SHISA6: variants seen among roughly 807,000 people sequenced by gnomAD.
The protein encoded by SHISA6 is protein shisa-6.
SHISA6 carries 22 observed loss-of-function variants against 47.9 expected under a neutral mutation model. The ratio of observed to expected loss-of-function variants is 0.46; its 90% CI spans 0.33 to 0.66. The LOEUF (loss-of-function observed/expected upper bound fraction) is 0.66, where lower values mean the gene tolerates loss of function less well. SHISA6 is among the 30% of genes least tolerant of loss of function. The pLI, the probability that SHISA6 is intolerant of heterozygous loss-of-function variation, is 0.02. For synonymous variants in SHISA6, 388 were observed against 337.8 expected, an observed-to-expected ratio of 1.15 and a Z score of -1.63; for missense variants, 680 against 764.6, an observed-to-expected ratio of 0.89 and a Z score of 1.30.
chr17:11,479,260 C>T (rs1042053894), intron 3 of SHISA6, among the ~76,000 whole-genome samples: 2 of 151,908 alleles, frequency 1.3e-5, no homozygotes, highest in Admixed American at 1.3e-4. Flanking sequence ...AATTTGAGTA[C>T]CTTATAATAC....
intron 3 of SHISA6, among the ~76,000 whole-genome samples, chr17:11,393,552 A>G (rs1567593594): frequency 6.6e-6 from 1 of 152,144 alleles, no homozygotes. Context: ...TTCCAGTGTA[A>G]TCTTTCTAAA....
chr17:11,556,030 G>C, intron 5 of SHISA6, 138 bp downstream of exon 5: 1 of 1,150,866 alleles, frequency 8.7e-7, no homozygotes, highest in Non-Finnish European at 1.2e-6. Flanking sequence ...GATGAGAGAA[G>C]AGAATAGACA....
intron 2 of SHISA6, among the ~76,000 whole-genome samples, chr17:11,294,559 A>T (rs1909675152): frequency 6.6e-6 from 1 of 152,166 alleles, no homozygotes; most frequent in Non-Finnish European, 1.5e-5. Context: ...AGTCTTGCAA[A>T]GTTTGTTCCC....
intron 3 of SHISA6, among the ~76,000 whole-genome samples, chr17:11,550,210 C>T (rs2071919050): frequency 6.6e-6 from 1 of 152,032 alleles, no homozygotes; most frequent in Non-Finnish European, 1.5e-5. Context: ...ACATGCCACC[C>T]CATGTCTGTA....
At chr17:11,334,548 A>G (rs1421969897) in intron 2 of SHISA6, among the ~76,000 whole-genome samples, 1 of 152,174 alleles carries the variant, frequency 6.6e-6, no homozygotes, top group Non-Finnish European at 1.5e-5. Context: ...AGAGCGCTAG[A>G]CATGCATGTC....
chr17:11,525,866 G>T (rs79793312), intron 3 of SHISA6, among the ~76,000 whole-genome samples: 8,806 of 151,882 alleles, frequency 0.058, 294 homozygotes, highest in Middle Eastern at 0.1. Flanking sequence ...AATATTGGCT[G>T]GGCATGGTGG....
intron 3 of SHISA6, among the ~76,000 whole-genome samples, chr17:11,496,878 C>T (rs2071413907): frequency 6.6e-6 from 1 of 152,216 alleles, no homozygotes; most frequent in Non-Finnish European, 1.5e-5. Flanking sequence ...GCAAACATTT[C>T]CATGTGGGAA....
At chr17:11,556,965 A>C (rs997856098) in intron 5 of SHISA6, among the ~76,000 whole-genome samples, 2 of 152,190 alleles carry the variant, frequency 1.3e-5, no homozygotes, top group African/African-American at 4.8e-5. Flanking sequence ...TCAAGGGTAC[A>C]GAGAGCAGTG....
chr17:11,277,276 T>TCACACA (rs1244934721), intron 2 of SHISA6, among the ~76,000 whole-genome samples: 2 of 62,648 alleles, frequency 3.2e-5, no homozygotes, highest in African/African-American at 5.3e-5. Flanking sequence ...TCTCTCTCTC[T>TCACACA]CTCTCACACA....
At chr17:11,532,278 C>T (rs925272654) in intron 3 of SHISA6, among the ~76,000 whole-genome samples, 2 of 152,170 alleles carry the variant, frequency 1.3e-5, no homozygotes, top group African/African-American at 4.8e-5. Context: ...CCACGTATAC[C>T]ATATTCCACT....
chr17:11,482,557 G>A (rs1193698414), intron 3 of SHISA6, among the ~76,000 whole-genome samples: 2 of 152,258 alleles, frequency 1.3e-5, no homozygotes, highest in South Asian at 2.1e-4. Context: ...ACGACCCCAC[G>A]ATGAATGAAA....
At chr17:11,393,475 G>A (rs1459103482) in intron 3 of SHISA6, among the ~76,000 whole-genome samples, 1 of 152,082 alleles carries the variant, frequency 6.6e-6, no homozygotes, top group African/African-American at 2.4e-5. Flanking sequence ...TGAGCAGCCA[G>A]ACTGATCTAA....
chr17:11,428,325 T>C (rs1234070219), intron 3 of SHISA6, among the ~76,000 whole-genome samples: 1 of 152,208 alleles, frequency 6.6e-6, no homozygotes, highest in South Asian at 2.1e-4. Context: ...CAGTCTTTTA[T>C]AACGGCGAAG....
chr17:11,486,912 G>A (rs1470796123), intron 3 of SHISA6, among the ~76,000 whole-genome samples: 2 of 152,206 alleles, frequency 1.3e-5, no homozygotes, highest in African/African-American at 4.8e-5. Context: ...TGTCTAGCCC[G>A]GGGGTCTGCC....
chr17:11,450,692 T>A (rs914663553), intron 3 of SHISA6, among the ~76,000 whole-genome samples: 20 of 135,034 alleles, frequency 1.5e-4, no homozygotes, highest in African/African-American at 5.9e-4. Context: ...CAAAACTCCA[T>A]CCAAAAGAAA....
intron 3 of SHISA6, among the ~76,000 whole-genome samples, chr17:11,496,541 C>A (rs1185751129): frequency 1.3e-5 from 2 of 152,008 alleles, no homozygotes; most frequent in African/African-American, 4.8e-5. Context: ...AGTTCGAGAC[C>A]AGCCTGGCCA....
At chr17:11,401,920 A>G (rs892753132) in intron 3 of SHISA6, among the ~76,000 whole-genome samples, 9 of 152,196 alleles carry the variant, frequency 5.9e-5, no homozygotes, top group African/African-American at 2.2e-4. Flanking sequence ...GTAAAAAGTC[A>G]TGCTTTCCTC....
intron 3 of SHISA6, among the ~76,000 whole-genome samples, chr17:11,391,560 CT>C (rs1277790091): frequency 6.6e-6 from 1 of 152,110 alleles, no homozygotes; most frequent in African/African-American, 2.4e-5. Flanking sequence ...TTCAACTCCC[CT>C]CACCTCTACT....
intron 3 of SHISA6, among the ~76,000 whole-genome samples, chr17:11,507,053 A>AACTGCATCT (rs1326372836): frequency 1.3e-5 from 2 of 152,160 alleles, no homozygotes; most frequent in Admixed American, 1.3e-4. Flanking sequence ...GCCACCCACT[A>AACTGCATCT]ACTGCATCTT....
Sources: gnomAD v4.1 joint callset for allele counts (sites outside exome capture counted in the v4.1 genomes callset) on GRCh38, gnomAD v4.1.1 for gene constraint, MANE v1.5 for transcripts, NCBI Gene and HGNC (gene_info 2026-07-23, HGNC 2026-07-21) for gene names.